VWA3A: variants seen among roughly 807,000 people sequenced by gnomAD.
VWA3A encodes the protein von Willebrand factor A domain-containing protein 3A.
Under a neutral mutation model 160.4 loss-of-function variants are expected in VWA3A, and 134 were observed. That is an observed-to-expected ratio of 0.84 (90% CI 0.73 to 0.96). The LOEUF (loss-of-function observed/expected upper bound fraction) is 0.96, where lower values mean the gene tolerates loss of function less well. Ranked by LOEUF, VWA3A falls within the 40% of genes least tolerant of loss-of-function variation. The pLI is 0.00. For missense variants in VWA3A, 1,310 were observed against 1,447.9 expected, an observed-to-expected ratio of 0.90 and a Z score of 1.55; for synonymous variants, 476 against 543.4, an observed-to-expected ratio of 0.88 and a Z score of 1.72.
chr16:22,115,899 A>G (rs919256693), intron 9 of VWA3A, among the ~76,000 whole-genome samples: 9 of 34,322 alleles, frequency 2.6e-4, no homozygotes, highest in Admixed American at 2.8e-4. Context: ...GGAAGGAAGG[A>G]AGGAAGGAAG....
At chr16:22,125,482 G>A (rs1161476136) in intron 16 of VWA3A, among the ~76,000 whole-genome samples, 2 of 152,028 alleles carry the variant, frequency 1.3e-5, no homozygotes, top group Admixed American at 6.6e-5. Flanking sequence ...AGAGTGCAGT[G>A]GCGCGATCTT....
At chr16:22,120,900 G>T (rs1167425985) in intron 12 of VWA3A, 68 bp from the exon 13 acceptor site, 1 of 1,582,164 alleles carries the variant, frequency 6.3e-7, no homozygotes, top group Non-Finnish European at 8.6e-7. Flanking sequence ...CTGGGTGGAG[G>T]GTGAAGACTG....
Position 22,098,825 on chromosome 16 carries a change from A to G in VWA3A, c.225+1130A>G, listed in dbSNP as rs937345610. On this transcript the variant is annotated intron_variant, in intron 3 of 33. Transcript: ENST00000389398. ...CACGGTCGTTCACATCTGTAATCTC[A>G]GCACTTTGGGAGGCCTAGATGAGAG... is the stretch of plus-strand genomic sequence containing the variant. Among the ~76,000 whole-genome samples, 21 of 149,486 alleles carry G rather than the reference A, an allele frequency of 1.4e-4. No homozygotes were observed. In the Admixed American group the frequency reaches 1.4e-3, roughly 10 times the overall value.
chr16:22,121,174 A>T (rs1567206225), intron 13 of VWA3A, 71 bp downstream of exon 13: 2 of 1,603,270 alleles, frequency 1.2e-6, no homozygotes, highest in Non-Finnish European at 1.7e-6. Flanking sequence ...GGCCGGGCAC[A>T]GTGGCTCACA....
Position 22,096,888 on chromosome 16 carries a change from C to G in VWA3A, c.44C>G (p.Ala15Gly). Residue 15 changes from alanine to glycine, a missense_variant, in exon 2 of 34, where the codon GCT (alanine) becomes GGT (glycine). Ala to Gly is a moderately conservative substitution (Grantham distance 60). Transcript: ENST00000389398. ...ATAAGCATTGGGTGTTTTGCAATGGCTACACAAACTAGTCATGTCTTCCAT... is the reference window on the plus strand; with the variant it reads ...ATAAGCATTGGGTGTTTTGCAATGGGTACACAAACTAGTCATGTCTTCCAT... ...RKISIGCFAM[A>G]TQTSHVFHGQ... 6.5e-7 allele frequency: 1 copy of G among 1,549,506 alleles called. No homozygotes were observed. The highest frequency in any genetic ancestry group is 8.7e-7 in the Non-Finnish European group (1 of 1,145,634).
intron 6 of VWA3A, among the ~76,000 whole-genome samples, chr16:22,107,738 G>A (rs1412650921): frequency 6.6e-6 from 1 of 152,066 alleles, no homozygotes; most frequent in Non-Finnish European, 1.5e-5. Flanking sequence ...TTAAAATAAA[G>A]ACTCTAATTA....
chr16:22,136,377 G>T (rs866211773), intron 21 of VWA3A, among the ~76,000 whole-genome samples: 1 of 152,126 alleles, frequency 6.6e-6, no homozygotes, highest in Non-Finnish European at 1.5e-5. Flanking sequence ...CAGGGAAGGC[G>T]GGTCTGGGAC....
At chr16:22,114,440 G>T (rs1467311929) in intron 8 of VWA3A, among the ~76,000 whole-genome samples, 1 of 152,160 alleles carries the variant, frequency 6.6e-6, no homozygotes, top group Non-Finnish European at 1.5e-5. Context: ...CCAAGAGAGT[G>T]GGTATGGGTA....
At chr16:22,103,581 T>A in intron 6 of VWA3A, 52 bp downstream of exon 6, 2 of 1,543,862 alleles carry the variant, frequency 1.3e-6, no homozygotes, top group Non-Finnish European at 1.8e-6. Context: ...TCCATTTGTA[T>A]TTGTTAGAAC....
At position 22,134,362 on chromosome 16, in the gene VWA3A, T is replaced by C; in HGVS notation, c.2069-6T>C. 6.3e-7 allele frequency: 1 copy of C among 1,593,614 alleles called. No homozygotes were observed. The highest frequency in any genetic ancestry group is 1.3e-5 in the African/African-American group (1 of 74,730). ...TCACCTTGCTCACGATGTGCTTTGTTTCCAGGCATTTATGAGAGCGATGAC... is the reference window on the plus strand; with the variant it reads ...TCACCTTGCTCACGATGTGCTTTGTCTCCAGGCATTTATGAGAGCGATGAC... On this transcript the variant is annotated splice_region_variant and splice_polypyrimidine_tract_variant and intron_variant, in intron 20 of 33. Coordinates refer to ENST00000389398, the MANE Select transcript of VWA3A (RefSeq NM_173615.5).
At chr16:22,114,507 A>T (rs1036173523) in intron 8 of VWA3A, among the ~76,000 whole-genome samples, 1 of 152,242 alleles carries the variant, frequency 6.6e-6, no homozygotes, top group African/African-American at 2.4e-5. Context: ...CTCAGATCTT[A>T]GAGTCAGACC....
At chr16:22,115,923 A>AAGGAAGGAAGGAGGG (rs1156229417) in intron 9 of VWA3A, among the ~76,000 whole-genome samples, 1 of 19,560 alleles carries the variant, frequency 5.1e-5, no homozygotes, top group African/African-American at 2.0e-3. Context: ...GGAAGGAAGG[A>AAGGAAGGAAGGAGGG]AAGGAAAGGA....
At chr16:22,140,269 G>A (rs2046122624) in intron 23 of VWA3A, 25 bp downstream of exon 23, 1 of 1,608,912 alleles carries the variant, frequency 6.2e-7, no homozygotes, top group Non-Finnish European at 8.5e-7. Context: ...CGGTCAGGCA[G>A]GGTGGAGGGA....
At chr16:22,148,038 T>C (rs1567225587) in intron 27 of VWA3A, 124 bp from the exon 28 acceptor site, 1 of 1,253,138 alleles carries the variant, frequency 8.0e-7, no homozygotes, top group Non-Finnish European at 1.1e-6. Flanking sequence ...TGACATCCAA[T>C]CAATGATCAG....
In VWA3A at chr16:22,140,221, G is replaced by T. The variant is rs1422644187; in HGVS notation, c.2360G>T (p.Ser787Ile). ...AAATCTCTGAAATGGCGTCCACTCA[G>T]TAGCAGAGTTGGCATCTCACCAGGT... Reference protein sequence around the residue: ...PLKSLKWRPLSSRVGISPAAA... With the variant: ...PLKSLKWRPLISRVGISPAAA... Residue 787 changes from serine (S) to isoleucine (I), a missense_variant, in exon 23 of 34, where the codon AGT (serine) becomes ATT (isoleucine). Ser to Ile is a moderately radical substitution (Grantham distance 142). Coordinates refer to ENST00000389398, the MANE Select transcript of VWA3A (RefSeq NM_173615.5). 6.2e-7 allele frequency: 1 copy of T among 1,613,746 alleles called. No homozygotes were observed. The highest frequency in any genetic ancestry group is 1.1e-5 in the South Asian group (1 of 91,062).
chr16:22,126,441 A>G (rs2045851917), intron 17 of VWA3A, 144 bp downstream of exon 17: 4 of 1,242,914 alleles, frequency 3.2e-6, no homozygotes, highest in African/African-American at 1.5e-5. Flanking sequence ...GGTTTATCTG[A>G]TTTGGATGAT....
At position 22,117,196 on chromosome 16, in the gene VWA3A, C is replaced by T. The variant is rs746163644; in HGVS notation, c.990+20C>T. ...ATGGAGGTAAGCCCTTCTGTCAACA[C>T]ATGGCCCCTCTTCTTCTCTCCTTGT... On this transcript the variant is annotated intron_variant, in intron 11 of 33. Coordinates refer to ENST00000389398, the MANE Select transcript of VWA3A (RefSeq NM_173615.5). The T allele has an allele frequency of 3.2e-6, 5 of 1,567,574 alleles. No homozygotes were observed. In the South Asian group the frequency reaches 3.5e-5, roughly 11 times the overall value.
chr16:22,156,118 A>T lies in VWA3A; in HGVS notation c.*101A>T, dbSNP rs1323798290. On this transcript the variant is annotated 3_prime_UTR_variant, in exon 34 of 34. Transcript: ENST00000389398. ...TGAAATGCTGTGACCTGCAGGAAAC[A>T]TGATTCCTGGTACCAGGACTCTCTG... The T allele has an allele frequency of 3.3e-6, 2 of 603,854 alleles. No individual in the cohort carries two copies. Among genetic ancestry groups the T allele is most frequent in the Non-Finnish European group, 5.8e-6 (2 of 345,402 alleles). 37.4% of individuals were successfully genotyped at this position (603,854 alleles called of 1,614,324 possible). A position where few individuals can be genotyped will look rare whatever the true frequency, so the allele number is the denominator to read the frequency against.
chr16:22,127,157 C>T (rs570617334), intron 17 of VWA3A, among the ~76,000 whole-genome samples: 14 of 151,776 alleles, frequency 9.2e-5, no homozygotes, highest in Admixed American at 3.3e-4. Flanking sequence ...GATGGAGTCT[C>T]GCTCTGTTGC....
Sources: gnomAD v4.1 joint callset for allele counts (sites outside exome capture counted in the v4.1 genomes callset) on GRCh38, gnomAD v4.1.1 for gene constraint, MANE v1.5 for transcripts, NCBI Gene and HGNC (gene_info 2026-07-23, HGNC 2026-07-21) for gene names.